Variants in EDARADD observed in about 807,000 individuals in gnomAD.
The protein encoded by EDARADD is EDAR associated via death domain.
A neutral mutation model predicts 25.6 loss-of-function variants in EDARADD; 20 were observed. That is an observed-to-expected ratio of 0.78 (90% CI 0.55 to 1.14). The LOEUF (loss-of-function observed/expected upper bound fraction) is 1.14. Ranked by LOEUF, EDARADD falls within the 50% of genes most tolerant of loss-of-function variation. The pLI, the probability that EDARADD is intolerant of heterozygous loss-of-function variation, is 0.00. For missense variants in EDARADD, 225 were observed against 270.1 expected (o/e 0.83, Z 1.17); for synonymous variants, 86 against 94.4 (o/e 0.91, Z 0.52).
At chr1:236,378,660 G>A (rs1667254421) in intron 3 of EDARADD, among the ~76,000 whole-genome samples, 1 of 152,198 alleles carries the variant, frequency 6.6e-6, no homozygotes, top group South Asian at 2.1e-4. Flanking sequence ...TTAAGTATTT[G>A]AGAGCAAAAT....
intron 5 of EDARADD, among the ~76,000 whole-genome samples, chr1:236,469,824 G>A (rs759199108): frequency 2.6e-5 from 4 of 151,160 alleles, no homozygotes; most frequent in African/African-American, 4.9e-5. Context: ...ACGGAGTTTC[G>A]CACTCTTGTT....
At chr1:236,351,872 G>C (rs1666918674) in intron 3 of EDARADD, among the ~76,000 whole-genome samples, 1 of 152,010 alleles carries the variant, frequency 6.6e-6, no homozygotes, top group Non-Finnish European at 1.5e-5. Context: ...TTAATCAAGG[G>C]GCTGAATATT....
intron 2 of EDARADD, among the ~76,000 whole-genome samples, chr1:236,410,595 C>T (rs1571918325): frequency 6.6e-6 from 1 of 152,146 alleles, no homozygotes; most frequent in East Asian, 1.9e-4. Flanking sequence ...AGCACTGCTT[C>T]TTGCTGAGGG....
In EDARADD at chr1:236,482,724, G is replaced by A. The variant is rs933479840; in HGVS notation, c.*75G>A. On this transcript the variant is annotated 3_prime_UTR_variant, in exon 6 of 6. Transcript: ENST00000334232. ...GGTCAAGAAGGAATGTGAATCTGTTGTTTTATAAGAGTTTAGGACAAGGAC... is the reference window on the plus strand; with the variant it reads ...GGTCAAGAAGGAATGTGAATCTGTTATTTTATAAGAGTTTAGGACAAGGAC... 3 of 1,597,980 alleles carry A rather than the reference G, an allele frequency of 1.9e-6. No homozygotes were observed. The African/African-American group carries it at 4.0e-5, about 21-fold the overall frequency.
chr1:236,404,138 CCG>C, intron 1 of EDARADD, among the ~76,000 whole-genome samples: 1 of 152,138 alleles, frequency 6.6e-6, no homozygotes, highest in East Asian at 1.9e-4. Flanking sequence ...GCTCCTCTGC[CCG>C]TCCTATTAGA....
chr1:236,411,090 T>C (rs1657461043), intron 2 of EDARADD, among the ~76,000 whole-genome samples: 1 of 152,198 alleles, frequency 6.6e-6, no homozygotes, highest in Non-Finnish European at 1.5e-5. Context: ...CCTGCTTACT[T>C]CCTGATACCA....
chr1:236,378,582 G>A (rs1170119125), intron 3 of EDARADD, among the ~76,000 whole-genome samples: 1 of 152,122 alleles, frequency 6.6e-6, no homozygotes, highest in African/African-American at 2.4e-5. Flanking sequence ...TTCAGTGTGT[G>A]GAGCTTTGTA....
chr1:236,467,942 G>A (rs1424515892), intron 4 of EDARADD, among the ~76,000 whole-genome samples: 2 of 152,070 alleles, frequency 1.3e-5, no homozygotes, highest in Non-Finnish European at 2.9e-5. Flanking sequence ...TAAAAATAGG[G>A]ACATTAGTGC....
chr1:236,411,954 A>G (rs1407389724), intron 2 of EDARADD, among the ~76,000 whole-genome samples: 2 of 152,184 alleles, frequency 1.3e-5, no homozygotes, highest in Non-Finnish European at 2.9e-5. Context: ...AAATAAAGTC[A>G]TATTCTGAGG....
Position 236,484,056 on chromosome 1 carries a change from C to A in EDARADD, c.*1407C>A. ...GGTGTCTACTGAAGATCCCTTTGAC[C>A]AGGATGACTGGGGAGCTTGGCAGAA... On this transcript the variant is annotated 3_prime_UTR_variant, in exon 6 of 6. Coordinates refer to ENST00000334232, the MANE Select transcript of EDARADD (RefSeq NM_145861.4). The surrounding 1 kb of genome is among the most constrained non-coding windows in gnomAD (Gnocchi z 4.1). 6.4e-7 allele frequency: 1 copy of A among 1,571,630 alleles called. No individual in the cohort carries two copies. The highest frequency in any genetic ancestry group is 8.7e-7 in the Non-Finnish European group (1 of 1,142,938).
chr1:236,409,295 T>C, intron 2 of EDARADD, 21 bp downstream of exon 2: 1 of 1,573,514 alleles, frequency 6.4e-7, no homozygotes, highest in Non-Finnish European at 8.7e-7. Context: ...AATTTTACAC[T>C]AATGGTGATA....
chr1:236,484,338 C>A lies in EDARADD; in HGVS notation c.*1689C>A. 2 of 1,372,518 alleles carry A rather than the reference C, an allele frequency of 1.5e-6. No individual in the cohort carries two copies. The highest frequency in any genetic ancestry group is 1.4e-5 in the African/African-American group (1 of 70,884). The allele number at this position is 1,372,518 out of a possible 1,614,324, so 85.0% of individuals were successfully genotyped here. A position where few individuals can be genotyped will look rare whatever the true frequency, so the allele number is the denominator to read the frequency against. Reference sequence around the variant, plus strand: ...CCTGGTGGTGGGGCTGTGACCTGGGCAGCTCAAGACTGGTGCCCCTTGCTG... The same window carrying A: ...CCTGGTGGTGGGGCTGTGACCTGGGAAGCTCAAGACTGGTGCCCCTTGCTG... On this transcript the variant is annotated 3_prime_UTR_variant, in exon 6 of 6. Transcript: ENST00000334232. This position sits in a 1 kb window ranked among gnomAD's most constrained non-coding sequence, Gnocchi z 4.1.
upstream of EDARADD, among the ~76,000 whole-genome samples, chr1:236,389,721 G>A (rs565433329): frequency 8.7e-4 from 132 of 152,306 alleles, no homozygotes; most frequent in African/African-American, 3.0e-3. Context: ...AAGGTAACAA[G>A]ACTAGGCATG....
intron 4 of EDARADD, among the ~76,000 whole-genome samples, chr1:236,431,777 C>T (rs1411636021): frequency 1.9e-5 from 2 of 103,136 alleles, no homozygotes; most frequent in Non-Finnish European, 5.0e-5. Flanking sequence ...AAAAATTAGC[C>T]GGGCGCGGTG....
chr1:236,403,349 G>A (rs532407673), intron 1 of EDARADD, among the ~76,000 whole-genome samples: 11 of 152,184 alleles, frequency 7.2e-5, no homozygotes, highest in South Asian at 2.1e-4. Context: ...GTGCAGTGGC[G>A]TGATCTCGAC....
At chr1:236,473,286 G>C (rs1029266819) in intron 5 of EDARADD, among the ~76,000 whole-genome samples, 1 of 151,986 alleles carries the variant, frequency 6.6e-6, no homozygotes. Context: ...GCTCGGAAAG[G>C]GTAGCGAGAC....
intron 3 of EDARADD, among the ~76,000 whole-genome samples, chr1:236,367,849 C>T (rs1194056642): frequency 6.6e-6 from 1 of 152,150 alleles, no homozygotes; most frequent in Non-Finnish European, 1.5e-5. Flanking sequence ...TGGCTCATGC[C>T]TGTAATTCTA....
intron 3 of EDARADD, among the ~76,000 whole-genome samples, chr1:236,377,652 A>G (rs985974387): frequency 8.6e-5 from 13 of 151,082 alleles, no homozygotes; most frequent in Admixed American, 5.3e-4. Context: ...AAGGTCAAGA[A>G]ATCGAGACCA....
intron 4 of EDARADD, among the ~76,000 whole-genome samples, chr1:236,464,111 C>T (rs1659115402): frequency 6.6e-6 from 1 of 152,202 alleles, no homozygotes; most frequent in African/African-American, 2.4e-5. Context: ...TGTTCTTCAG[C>T]CATCTCCATG....
Sources: gnomAD v4.1 joint callset for allele counts (sites outside exome capture counted in the v4.1 genomes callset) on GRCh38, gnomAD v4.1.1 for gene constraint, Gnocchi (gnomAD v3.1) non-coding constraint, MANE v1.5 for transcripts, NCBI Gene and HGNC (gene_info 2026-07-23, HGNC 2026-07-21) for gene names.